Variants in HECW2 observed in about 807,000 individuals in gnomAD.
HECW2 encodes E3 ubiquitin-protein ligase HECW2.
HECW2 carries 61 observed loss-of-function variants against 175.2 expected under a neutral mutation model. That is an observed-to-expected ratio of 0.35 (90% confidence interval 0.28 to 0.43). The LOEUF is 0.43. Ranked by LOEUF, HECW2 falls within the 20% of genes least tolerant of loss-of-function variation. The pLI, the probability that HECW2 is intolerant of heterozygous loss-of-function variation, is 1.00. For synonymous variants in HECW2, 671 were observed against 731.0 expected, an observed-to-expected ratio of 0.92 and a Z score of 1.32; for missense variants, 1,524 against 2,000.5, an observed-to-expected ratio of 0.76 and a Z score of 4.54.
chr2:196,569,622 C>A lies in HECW2; in HGVS notation c.-36+23886G>T, dbSNP rs1184749327. On this transcript the variant is annotated intron_variant, in intron 1 of 28. Coordinates refer to ENST00000644978, the MANE Select transcript of HECW2 (RefSeq NM_001348768.2). ...ACATCAGTTCCATCACTAGGGGGAC[C>A]CTCTATCTGAGACTTCCCAGGACCC... Among the ~76,000 whole-genome samples the A allele has an allele frequency of 2.0e-5, 3 of 152,178 alleles. No homozygotes were observed. The South Asian group carries it at 6.2e-4, about 32-fold the overall frequency.
At chr2:196,219,472 CAGAT>C (rs1687589382) in intron 26 of HECW2, among the ~76,000 whole-genome samples, 1 of 152,188 alleles carries the variant, frequency 6.6e-6, no homozygotes, top group Non-Finnish European at 1.5e-5. Flanking sequence ...TGTGAAGTGT[CAGAT>C]AGTGCAGTTT....
chr2:196,218,881 T>C (rs376228946), intron 26 of HECW2, among the ~76,000 whole-genome samples: 4 of 152,188 alleles, frequency 2.6e-5, no homozygotes, highest in Non-Finnish European at 4.4e-5. Context: ...ATTTCAGCAA[T>C]TGGACTTCAG....
intron 7 of HECW2, among the ~76,000 whole-genome samples, chr2:196,322,121 A>G (rs1198795991): frequency 6.6e-6 from 1 of 152,170 alleles, no homozygotes; most frequent in East Asian, 1.9e-4. Flanking sequence ...AGTTCTCTGG[A>G]TGGAATTATT....
At chr2:196,407,209 CTT>C (rs142961175) in intron 2 of HECW2, among the ~76,000 whole-genome samples, 34 of 143,382 alleles carry the variant, frequency 2.4e-4, no homozygotes, top group African/African-American at 4.6e-4. Flanking sequence ...ACTTTCAAAA[CTT>C]TTTTTTTTTT....
chr2:196,429,834 A>G (rs1235114046), intron 2 of HECW2, among the ~76,000 whole-genome samples: 1 of 152,188 alleles, frequency 6.6e-6, no homozygotes, highest in African/African-American at 2.4e-5. Context: ...AAAGAGCTCT[A>G]GAAGGATGAG....
intron 2 of HECW2, among the ~76,000 whole-genome samples, chr2:196,408,323 C>G (rs773619489): frequency 6.6e-6 from 1 of 152,184 alleles, no homozygotes; most frequent in Non-Finnish European, 1.5e-5. Flanking sequence ...CCAGTGAAGA[C>G]TCCAAACAAC....
At chr2:196,358,125 T>G (rs1399916564) in intron 2 of HECW2, among the ~76,000 whole-genome samples, 2 of 152,168 alleles carry the variant, frequency 1.3e-5, no homozygotes, top group African/African-American at 4.8e-5. Context: ...TTCGCTGGAT[T>G]TATGACCTTG....
chr2:196,211,715 G>A (rs1687292926), intron 28 of HECW2, among the ~76,000 whole-genome samples: 1 of 152,178 alleles, frequency 6.6e-6, no homozygotes, highest in Admixed American at 6.5e-5. Context: ...TCCTTGTCTA[G>A]AAAGACTAAG....
intron 21 of HECW2, among the ~76,000 whole-genome samples, chr2:196,234,768 T>C (rs1463155758): frequency 6.6e-6 from 1 of 152,184 alleles, no homozygotes; most frequent in East Asian, 1.9e-4. Flanking sequence ...AACTTCTTAG[T>C]AGACTGATGC....
chr2:196,417,798 T>A (rs1309551769), intron 2 of HECW2, among the ~76,000 whole-genome samples: 1 of 152,236 alleles, frequency 6.6e-6, no homozygotes, highest in Non-Finnish European at 1.5e-5. Context: ...AAAGTGGCTG[T>A]CATGGAGCCC....
chr2:196,280,485 G>C (rs986798074), intron 14 of HECW2, among the ~76,000 whole-genome samples: 1 of 152,150 alleles, frequency 6.6e-6, no homozygotes, highest in Non-Finnish European at 1.5e-5. Context: ...TTAAGCAATG[G>C]ATGTACCAGA....
At chr2:196,547,321 T>C (rs1689458237) in intron 1 of HECW2, among the ~76,000 whole-genome samples, 1 of 152,184 alleles carries the variant, frequency 6.6e-6, no homozygotes, top group Admixed American at 6.5e-5. Flanking sequence ...TCAGGCACAA[T>C]TCAGATGGAA....
At chr2:196,511,180 A>T (rs1447945571) in intron 1 of HECW2, among the ~76,000 whole-genome samples, 1 of 152,220 alleles carries the variant, frequency 6.6e-6, no homozygotes, top group East Asian at 1.9e-4. Context: ...GGGCCAGGCC[A>T]GGCTGGTAAA....
chr2:196,289,510 A>G (rs35860757), intron 14 of HECW2: 99,060 of 151,920 alleles, frequency 0.65, 35,743 homozygotes, highest in East Asian at 0.96. Flanking sequence ...TGCTATGCCA[A>G]TCAGGTGTCC....
Position 196,403,627 on chromosome 2 carries a change from T to C in HECW2, c.292+29505A>G, listed in dbSNP as rs569249754. Among the ~76,000 whole-genome samples, 3 of 152,328 alleles carry C rather than the reference T, an allele frequency of 2.0e-5. No individual in the cohort carries two copies. The South Asian group carries it at 6.2e-4, about 32-fold the overall frequency. ...TCCTAAAGTTTTACAGCTAACCTAG[T>C]CTGTGAAAAAATTCTAAAGCTTAAA... On this transcript the variant is annotated intron_variant, in intron 2 of 28. Transcript: ENST00000644978.
intron 17 of HECW2, among the ~76,000 whole-genome samples, chr2:196,261,227 T>C (rs1425756836): frequency 6.6e-6 from 1 of 152,216 alleles, no homozygotes; most frequent in African/African-American, 2.4e-5. Context: ...AAGTAATGTA[T>C]ATGTAAATTA....
intron 1 of HECW2, chr2:196,493,159 A>C (rs1021496053): frequency 2.0e-5 from 3 of 152,438 alleles, no homozygotes; most frequent in Admixed American, 6.5e-5. Context: ...TCTTGAGGCC[A>C]GGAATTCAAG....
chr2:196,397,157 A>C (rs1203997970), intron 2 of HECW2, among the ~76,000 whole-genome samples: 1 of 151,866 alleles, frequency 6.6e-6, no homozygotes, highest in Admixed American at 6.6e-5. Context: ...AACAAAAATA[A>C]AAAACCGTCT....
intron 1 of HECW2, among the ~76,000 whole-genome samples, chr2:196,584,026 T>A (rs1311896531): frequency 1.3e-5 from 2 of 152,170 alleles, no homozygotes; most frequent in African/African-American, 4.8e-5. Context: ...TCCTATAAGA[T>A]ACTTACTCCA....
Sources: allele counts gnomAD v4.1 joint callset (sites outside exome capture counted in the v4.1 genomes callset), GRCh38; gene constraint gnomAD v4.1.1; transcripts MANE v1.5; gene names NCBI Gene and HGNC (gene_info 2026-07-23, HGNC 2026-07-21).